Variants in SLC1A3 observed in about 807,000 individuals in gnomAD.
SLC1A3 encodes excitatory amino acid transporter 1.
Under a neutral mutation model 48.1 loss-of-function variants are expected in SLC1A3, and 21 were observed. The observed-to-expected ratio is 0.44, with a 90% confidence interval of 0.31 to 0.63. The LOEUF is 0.63. Among genes scored for constraint, SLC1A3 ranks in the 20% least tolerant of loss-of-function variants. The pLI is 0.08. For synonymous variants in SLC1A3, 239 were observed against 251.4 expected, an observed-to-expected ratio of 0.95 and a Z score of 0.47; for missense variants, 546 against 689.0, an observed-to-expected ratio of 0.79 and a Z score of 2.32.
rs10038104 is a variant in SLC1A3, at chr5:36,646,433, T to C, written c.319+16846T>C. 8.9e-3 allele frequency among the ~76,000 whole-genome samples: 1,354 copies of C among 152,330 alleles called. 18 individuals carry two copies. Among genetic ancestry groups the C allele is most frequent in the African/African-American group, 0.032 (1,310 of 41,566 alleles). On this transcript the variant is annotated intron_variant, in intron 3 of 9. Transcript: ENST00000265113. ...AATATAAACACAATATCCAAACCTT[T>C]TGGAAATTTAAATGTTAAGTATTAT...
upstream of SLC1A3, among the ~76,000 whole-genome samples, chr5:36,605,190 T>C (rs1426284630): frequency 6.6e-6 from 1 of 152,144 alleles, no homozygotes; most frequent in Non-Finnish European, 1.5e-5. Flanking sequence ...TATAATTTAG[T>C]TGAGAAACCA....
intron 3 of SLC1A3, among the ~76,000 whole-genome samples, chr5:36,642,084 C>T (rs1740637502): frequency 6.6e-6 from 1 of 152,176 alleles, no homozygotes; most frequent in Non-Finnish European, 1.5e-5. Flanking sequence ...AGAATTCAAT[C>T]TATTAACTTT....
chr5:36,639,984 T>G (rs1212548250), intron 3 of SLC1A3, among the ~76,000 whole-genome samples: 1 of 152,090 alleles, frequency 6.6e-6, no homozygotes, highest in East Asian at 1.9e-4. Context: ...AGTAAAAAGA[T>G]GCTGGAGTTT....
intron 3 of SLC1A3, chr5:36,649,434 A>G (rs1740970578): frequency 6.6e-6 from 1 of 152,078 alleles, no homozygotes; most frequent in African/African-American, 2.4e-5. Context: ...ATAAATTCCT[A>G]TTTTTAGGCT....
At chr5:36,610,652 A>C (rs1461879356) in intron 2 of SLC1A3, among the ~76,000 whole-genome samples, 1 of 152,176 alleles carries the variant, frequency 6.6e-6, no homozygotes, top group African/African-American at 2.4e-5. Flanking sequence ...AATAAAAAGA[A>C]GATAATGCCA....
At chr5:36,641,512 T>G (rs564286836) in intron 3 of SLC1A3, among the ~76,000 whole-genome samples, 5 of 152,230 alleles carry the variant, frequency 3.3e-5, no homozygotes, top group African/African-American at 1.2e-4. Flanking sequence ...AATATAGTGA[T>G]TCACACACAA....
chr5:36,622,738 G>A (rs1034140317), intron 2 of SLC1A3, among the ~76,000 whole-genome samples: 2 of 152,108 alleles, frequency 1.3e-5, no homozygotes, highest in African/African-American at 2.4e-5. Context: ...TTGGCCGGGC[G>A]CATTGGCTCA....
intron 3 of SLC1A3, among the ~76,000 whole-genome samples, chr5:36,657,392 TA>T (rs1741323110): frequency 6.6e-6 from 1 of 152,212 alleles, no homozygotes; most frequent in South Asian, 2.1e-4. Flanking sequence ...TAGGACCTGA[TA>T]AAAATCACGA....
At position 36,621,987 on chromosome 5, in the gene SLC1A3, T is replaced by G. The variant is rs144218751; in HGVS notation, c.182-7463T>G. ...TTTGGTTTTGGTTTTGCTACCTAAA[T>G]GGAAATATCCTAACTGTGAAATGGC... is the stretch of plus-strand genomic sequence containing the variant. On this transcript the variant is annotated intron_variant, in intron 2 of 9. Coordinates refer to ENST00000265113, the MANE Select transcript of SLC1A3 (RefSeq NM_004172.5). Among the ~76,000 whole-genome samples the G allele has an allele frequency of 1.7e-3, 264 of 152,344 alleles. 1 individual carries two copies. In the East Asian group the frequency reaches 0.02, roughly 12 times the overall value.
intron 2 of SLC1A3, among the ~76,000 whole-genome samples, chr5:36,621,889 T>C (rs1359331713): frequency 2.0e-5 from 3 of 152,192 alleles, no homozygotes; most frequent in Admixed American, 1.3e-4. Flanking sequence ...GCAGAGGTGA[T>C]GGGATGACAC....
Position 36,608,338 on chromosome 5 carries a change from C to T in SLC1A3, c.-86C>T, listed in dbSNP as rs755128293. The T allele has an allele frequency of 1.6e-6, 2 of 1,269,318 alleles. No individual in the cohort carries two copies. The highest frequency in any genetic ancestry group is 2.3e-6 in the Non-Finnish European group (2 of 880,196). The allele number at this position is 1,269,318 out of a possible 1,614,324, so 78.6% of individuals were successfully genotyped here. ...TTTTCTCCCATTCTAGTTGTGTTTT[C>T]TAATACCAAAGAGGAGGTTTGGCTT... On this transcript the variant is annotated 5_prime_UTR_variant, in exon 2 of 10. Transcript: ENST00000265113.
chr5:36,633,170 TG>T (rs1450656173), intron 3 of SLC1A3, among the ~76,000 whole-genome samples: 1 of 152,254 alleles, frequency 6.6e-6, no homozygotes. Context: ...ATGTCACATC[TG>T]GTTGTGCAGG....
chr5:36,599,077 G>A (rs767699764), intron 1 of SLC1A3, among the ~76,000 whole-genome samples: 2 of 152,090 alleles, frequency 1.3e-5, no homozygotes, highest in African/African-American at 4.8e-5. Flanking sequence ...ATAAAACAGC[G>A]CATCTCAAAT....
intron 1 of SLC1A3, among the ~76,000 whole-genome samples, chr5:36,599,848 G>A (rs1386075516): frequency 6.6e-6 from 1 of 151,052 alleles, no homozygotes; most frequent in East Asian, 2.0e-4. Flanking sequence ...ACGGAGTTTC[G>A]CTCTCGTCAC....
At chr5:36,607,057 T>C (rs565968589) in intron 1 of SLC1A3, 2 of 151,330 alleles carry the variant, frequency 1.3e-5, no homozygotes, top group South Asian at 4.2e-4. Flanking sequence ...AAAAAAAATC[T>C]GGTCTCTCCT....
At chr5:36,635,238 T>C (rs1271798682) in intron 3 of SLC1A3, among the ~76,000 whole-genome samples, 1 of 151,966 alleles carries the variant, frequency 6.6e-6, no homozygotes, top group African/African-American at 2.4e-5. Context: ...TCATTCTCTA[T>C]AAAATGTAAG....
chr5:36,680,310 G>A (rs1006818300), intron 7 of SLC1A3, 85 bp from the exon 8 acceptor site: 2 of 1,096,486 alleles, frequency 1.8e-6, no homozygotes, highest in Non-Finnish European at 2.8e-6. Flanking sequence ...GGAGAGGAAG[G>A]AACTGTCTGT....
At chr5:36,599,704 C>T (rs1013444352) in intron 1 of SLC1A3, among the ~76,000 whole-genome samples, 38 of 141,252 alleles carry the variant, frequency 2.7e-4, no homozygotes, top group Admixed American at 2.2e-3. Flanking sequence ...AGACGGAGTT[C>T]GCCATGTTGG....
intron 3 of SLC1A3, 124 bp from the exon 4 acceptor site, chr5:36,670,905 T>C: frequency 1.2e-6 from 1 of 856,176 alleles, no homozygotes; most frequent in Non-Finnish European, 1.9e-6. Flanking sequence ...TCACAACATG[T>C]ACGAAATCCC....
Sources: allele counts gnomAD v4.1 joint callset (sites outside exome capture counted in the v4.1 genomes callset), GRCh38; gene constraint gnomAD v4.1.1; transcripts MANE v1.5; gene names NCBI Gene and HGNC (gene_info 2026-07-23, HGNC 2026-07-21).